PDE4DIP: variants seen among roughly 807,000 people sequenced by gnomAD.
The protein encoded by PDE4DIP is phosphodiesterase 4D interacting protein.
Under a neutral mutation model 221.4 loss-of-function variants are expected in PDE4DIP, and 59 were observed. The observed-to-expected ratio is 0.27, with a 90% CI of 0.22 to 0.33. The LOEUF is 0.33. PDE4DIP is among the 10% of genes least tolerant of loss of function. The pLI, the probability that PDE4DIP is intolerant of heterozygous loss-of-function variation, is 1.00. For synonymous variants in PDE4DIP, 404 were observed against 815.9 expected (o/e 0.50, Z 8.60); for missense variants, 1,036 against 2,154.2 (o/e 0.48, Z 10.28).
chr1:148,912,052 A>G (rs1553454820), intron 1 of PDE4DIP, among the ~76,000 whole-genome samples: 1 of 146,222 alleles, frequency 6.8e-6, no homozygotes, highest in Non-Finnish European at 1.5e-5. Flanking sequence ...AGAGGCGGGG[A>G]TCATGGGGAG....
At chr1:148,952,847 A>G (rs782525092) in intron 5 of PDE4DIP, 3 of 1,397,534 alleles carry the variant, frequency 2.1e-6, no homozygotes, top group Non-Finnish European at 3.0e-6. Context: ...GATCTTCCAC[A>G]CGGCGTCCAA....
At chr1:149,029,831 A>T (rs1553634601) in exon 42 of PDE4DIP, 2 of 1,606,196 alleles carry the variant, frequency 1.2e-6, no homozygotes, top group Non-Finnish European at 1.7e-6. Flanking sequence ...GAACCAAAGT[A>T]TCCAAACAGG....
exon 24 of PDE4DIP, chr1:149,001,650 C>A (rs782577075): frequency 6.2e-7 from 1 of 1,613,978 alleles, no homozygotes; most frequent in South Asian, 1.1e-5. Context: ...ATGGGAGAAG[C>A]AATGTCTGAT....
At chr1:149,023,641 CAT>C (rs1174148629) in intron 37 of PDE4DIP, among the ~76,000 whole-genome samples, 35 of 135,182 alleles carry the variant, frequency 2.6e-4, no homozygotes, top group African/African-American at 8.2e-4. Context: ...TATGTGTGCA[CAT>C]ATATATGTAC....
In PDE4DIP at chr1:149,024,699, G is replaced by A. The variant is rs201383919; in HGVS notation, c.6325+15G>A. On this transcript the variant is annotated intron_variant, in intron 38 of 43. Coordinates refer to ENST00000369354, the Ensembl canonical transcript of PDE4DIP. Reference sequence around the variant, plus strand: ...GCTCCTCCAAGGTAGGAAGGAAAAGGGACTTAGAAAGCCCTTGGCCAGTGG... The same window carrying A: ...GCTCCTCCAAGGTAGGAAGGAAAAGAGACTTAGAAAGCCCTTGGCCAGTGG... 1.7e-6 allele frequency: 1 copy of A among 603,672 alleles called. No homozygotes were observed. The highest frequency in any genetic ancestry group is 2.9e-5 in the East Asian group (1 of 34,002). The allele number at this position is 603,672 out of a possible 1,614,324, so 37.4% of individuals were successfully genotyped here.
intron 32 of PDE4DIP, among the ~76,000 whole-genome samples, chr1:149,015,877 G>A (rs1337085261): frequency 1.3e-5 from 2 of 151,938 alleles, no homozygotes; most frequent in Admixed American, 1.3e-4. Flanking sequence ...TCAGGGGAAG[G>A]CAAGTACATG....
chr1:148,989,832 C>T (rs2062661228), intron 21 of PDE4DIP, among the ~76,000 whole-genome samples: 1 of 152,142 alleles, frequency 6.6e-6, no homozygotes, highest in South Asian at 2.1e-4. Flanking sequence ...ATGTGGGTGT[C>T]CTAGGTAAAT....
intron 21 of PDE4DIP, among the ~76,000 whole-genome samples, chr1:148,987,513 G>C (rs1487706073): frequency 1.3e-5 from 2 of 152,192 alleles, no homozygotes; most frequent in Non-Finnish European, 2.9e-5. Context: ...ATTGGGCTGA[G>C]AGTATTAGAC....
chr1:148,952,091 G>C (rs2151281236), intron 5 of PDE4DIP: 1 of 1,018,262 alleles, frequency 9.8e-7, no homozygotes, highest in Non-Finnish European at 1.2e-6. Flanking sequence ...TCCTCCCCGC[G>C]AGGAGGAGCC....
chr1:148,996,751 C>T (rs1553564886), intron 22 of PDE4DIP, among the ~76,000 whole-genome samples: 4 of 152,224 alleles, frequency 2.6e-5, no homozygotes, highest in African/African-American at 7.2e-5. Flanking sequence ...CTCTGTCAGT[C>T]GTTGATCCAT....
chr1:148,893,065 CTGTGTGTGTGTG>C (rs60364665), intron 1 of PDE4DIP, among the ~76,000 whole-genome samples: 13,630 of 76,938 alleles, frequency 0.18, 64 homozygotes, highest in Admixed American at 0.23. Context: ...ATGTGTGTGT[CTGTGTGTGTGTG>C]TGTGTGTGTG....
chr1:148,906,986 T>C (rs1573102885), intron 1 of PDE4DIP, among the ~76,000 whole-genome samples: 1 of 151,304 alleles, frequency 6.6e-6, no homozygotes, highest in South Asian at 2.1e-4. Flanking sequence ...GAGGCGGAGG[T>C]TGCAGTGTGC....
In PDE4DIP at chr1:149,010,876, T is replaced by C. The variant is rs370314752; in HGVS notation, c.5080+281T>C. Among the ~76,000 whole-genome samples, 101 of 148,116 alleles carry C rather than the reference T, an allele frequency of 6.8e-4. 2 individuals carry two copies. The highest frequency in any genetic ancestry group is 3.4e-3 in the Middle Eastern group (1 of 292). The stretch of plus-strand genomic sequence containing the variant: ...TTATTGGTTTTCTCTCATTTTATCC[T>C]GGGAGCAAAGAGGCAAAATGTTTCT... On this transcript the variant is annotated intron_variant, in intron 31 of 43. Transcript: ENST00000369354.
chr1:148,907,024 G>A (rs1476876393), intron 1 of PDE4DIP, among the ~76,000 whole-genome samples: 1 of 151,436 alleles, frequency 6.6e-6, no homozygotes, highest in African/African-American at 2.5e-5. Flanking sequence ...ACTCCAGCCT[G>A]GACTACAAGA....
chr1:148,949,539 C>T lies in PDE4DIP; in HGVS notation c.637-11115C>T, dbSNP rs1453112570. ...CATTGTCCAAAATTCAAATGATACACAGTATGTAGAATAAAAAGTAAATGT... is the reference window on the plus strand; with the variant it reads ...CATTGTCCAAAATTCAAATGATACATAGTATGTAGAATAAAAAGTAAATGT... On this transcript the variant is annotated intron_variant, in intron 5 of 43. Coordinates refer to ENST00000369354, the Ensembl canonical transcript of PDE4DIP. 2.0e-5 allele frequency among the ~76,000 whole-genome samples: 3 copies of T among 152,006 alleles called. No homozygotes were observed. In the East Asian group the frequency reaches 5.8e-4, roughly 29 times the overall value.
intron 5 of PDE4DIP, among the ~76,000 whole-genome samples, chr1:148,947,492 G>C (rs1176699147): frequency 6.9e-6 from 1 of 144,006 alleles, no homozygotes; most frequent in African/African-American, 2.6e-5. Context: ...TTAGTAATTA[G>C]AATAGCTATT....
At chr1:149,015,750 C>T (rs1416744473) in intron 32 of PDE4DIP, among the ~76,000 whole-genome samples, 19 of 151,310 alleles carry the variant, frequency 1.3e-4, no homozygotes, top group Admixed American at 1.3e-3. Flanking sequence ...CTTCCCCAGC[C>T]TCAGCAAAGA....
At chr1:148,963,969 A>G (rs1198791386) in intron 9 of PDE4DIP, among the ~76,000 whole-genome samples, 97 of 151,216 alleles carry the variant, frequency 6.4e-4, no homozygotes, top group African/African-American at 2.3e-3. Context: ...CGTGTTAGCC[A>G]GGATGGTCTC....
At chr1:148,859,526 A>G (rs1370399207) in intron 1 of PDE4DIP, among the ~76,000 whole-genome samples, 1 of 152,146 alleles carries the variant, frequency 6.6e-6, no homozygotes, top group East Asian at 1.9e-4. Context: ...GAGAAAGACA[A>G]GGTAAGACAT....
Sources: gnomAD v4.1 joint callset for allele counts (sites outside exome capture counted in the v4.1 genomes callset) on GRCh38, gnomAD v4.1.1 for gene constraint, MANE v1.5 for transcripts, NCBI Gene and HGNC (gene_info 2026-07-23, HGNC 2026-07-21) for gene names.